Variants in NAPB observed in about 807,000 individuals in gnomAD.
NAPB encodes beta-soluble NSF attachment protein.
In NAPB, 26 loss-of-function variants were observed where a neutral mutation model predicts 44.7. The ratio of observed to expected loss-of-function variants is 0.58; its 90% CI spans 0.43 to 0.81. The LOEUF (loss-of-function observed/expected upper bound fraction) is 0.81. Ranked by LOEUF, NAPB falls within the 30% of genes least tolerant of loss-of-function variation. The pLI is 0.00. For missense variants in NAPB, 315 were observed against 356.4 expected (o/e 0.88, Z 0.94); for synonymous variants, 120 against 116.8 (o/e 1.03, Z -0.18).
rs781690727 is a variant in NAPB at position 23,377,507 on chromosome 20, C to T, written c.787-21G>A. The T allele has an allele frequency of 1.3e-5, 20 of 1,516,592 alleles. No individual in the cohort carries two copies. The Admixed American group carries it at 2.4e-4, about 18-fold the overall frequency. The allele number at this position is 1,516,592 out of a possible 1,614,324, so 93.9% of individuals were successfully genotyped here. A position where few individuals can be genotyped will look rare whatever the true frequency, so the allele number is the denominator to read the frequency against. ...TTCACCTAGTATAAGGAAAGAGGAA[C>T]AGGAATTACCCCATGTAAATACATT... On this transcript the variant is annotated intron_variant, in intron 10 of 10. Coordinates refer to ENST00000377026, the MANE Select transcript of NAPB (RefSeq NM_022080.3).
intron 3 of NAPB, 187 bp downstream of exon 3, chr20:23,396,885 A>G: frequency 2.4e-6 from 1 of 420,642 alleles, no homozygotes; most frequent in Non-Finnish European, 4.0e-6. Context: ...ATTTCTCCTC[A>G]TAAAAGCCCC....
chr20:23,401,058 T>A (rs553892288), intron 2 of NAPB, among the ~76,000 whole-genome samples: 5 of 150,934 alleles, frequency 3.3e-5, no homozygotes, highest in Non-Finnish European at 7.4e-5. Flanking sequence ...ACCTCACCAA[T>A]AAGTTGACAT....
At chr20:23,417,676 A>G (rs1986101902) in intron 1 of NAPB, among the ~76,000 whole-genome samples, 2 of 152,190 alleles carry the variant, frequency 1.3e-5, no homozygotes, top group Admixed American at 1.3e-4. Flanking sequence ...CAAACTTGAG[A>G]AAAAGTTTTA....
At position 23,394,836 on chromosome 20, in the gene NAPB, G is replaced by A. The variant is rs973243070; in HGVS notation, c.420+86C>T. ...CCATCTATGACCACTCTACACCTAC[G>A]ATCACTCTCAGACTGAGGAGAGGAG... On this transcript the variant is annotated intron_variant, in intron 5 of 10. Transcript: ENST00000377026. 2.1e-5 allele frequency: 29 copies of A among 1,355,946 alleles called. No homozygotes were observed. In the Middle Eastern group the frequency reaches 7.2e-4, roughly 34 times the overall value. The allele number at this position is 1,355,946 out of a possible 1,614,324, so 84.0% of individuals were successfully genotyped here. A position where few individuals can be genotyped will look rare whatever the true frequency, so the allele number is the denominator to read the frequency against.
At position 23,403,018 on chromosome 20, in the gene NAPB, C is replaced by T. The variant is rs563677260; in HGVS notation, c.153G>A (p.Met51Ile). ...CACTCCAATTTTTAGCCATCTTGAACATATTTGCAGCTCTGGTATACATTT... is the reference window on the plus strand; with the variant it reads ...CACTCCAATTTTTAGCCATCTTGAATATATTTGCAGCTCTGGTATACATTT... ...ACEMYTRAAN[M>I]FKMAKNWSAA... The change falls in exon 2 of 11, where the codon ATG becomes ATA. Residue 51 changes from methionine to isoleucine, a missense_variant. Met to Ile is a conservative substitution (Grantham distance 10, BLOSUM62 1). Around this residue, in one of 3 missense-constraint regions of NAPB, gnomAD observed 179 missense variants for 182.5 expected, o/e 0.98. Coordinates refer to ENST00000377026, the MANE Select transcript of NAPB (RefSeq NM_022080.3). 1.4e-4 allele frequency: 230 copies of T among 1,613,822 alleles called. 3 individuals carry two copies. In the South Asian group the frequency reaches 2.0e-3, roughly 14 times the overall value.
At chr20:23,405,267 C>A (rs538612088) in intron 1 of NAPB, among the ~76,000 whole-genome samples, 1 of 141,308 alleles carries the variant, frequency 7.1e-6, no homozygotes, top group South Asian at 2.3e-4. Flanking sequence ...GGTGACAGAG[C>A]GAGACTTTGT....
chr20:23,416,971 T>C (rs949393707), intron 1 of NAPB, among the ~76,000 whole-genome samples: 2 of 152,242 alleles, frequency 1.3e-5, no homozygotes, highest in African/African-American at 2.4e-5. Context: ...GGGCCTTTCA[T>C]TAAATTTACA....
intron 1 of NAPB, 142 bp from the exon 2 acceptor site, chr20:23,403,214 T>C: frequency 1.5e-6 from 1 of 653,086 alleles, no homozygotes; most frequent in Non-Finnish European, 2.6e-6. Context: ...AAGGAGATAC[T>C]CTTACTATAC....
intron 1 of NAPB, among the ~76,000 whole-genome samples, chr20:23,419,247 G>GT (rs1267470804): frequency 3.9e-5 from 6 of 152,182 alleles, no homozygotes; most frequent in Non-Finnish European, 8.8e-5. Flanking sequence ...AAACCAACCT[G>GT]TTGTACCCAG....
At chr20:23,412,236 T>C (rs1465246353) in intron 1 of NAPB, among the ~76,000 whole-genome samples, 1 of 152,194 alleles carries the variant, frequency 6.6e-6, no homozygotes, top group Admixed American at 6.5e-5. Flanking sequence ...GTAAAAGCCA[T>C]GGCAGAAGTG....
At chr20:23,395,343 A>G (rs1266852434) in intron 3 of NAPB, among the ~76,000 whole-genome samples, 158 bp from the exon 4 acceptor site, 2 of 152,200 alleles carry the variant, frequency 1.3e-5, no homozygotes, top group Non-Finnish European at 2.9e-5. Flanking sequence ...AATCATGCAC[A>G]AGTCCAGATT....
Position 23,421,309 on chromosome 20 carries a change from A to G in NAPB, c.94T>C (p.Phe32Leu). The change falls in exon 1 of 11, where the codon TTT becomes CTT. Residue 32 changes from phenylalanine (F) to leucine (L), a missense_variant. Phe to Leu is a conservative substitution (Grantham distance 22). This residue lies in a region of NAPB where 179 missense variants were observed against 182.5 expected (regional missense o/e 0.98). Transcript: ENST00000377026. ...CACGCACGGTCTGGCGCTCACCCAA[A>G]CAGCCCTCGGAGGAAGGAGTGGGAG... ...KASHSFLRGL[F>L]GGNTRIEEAC... is the part of the protein sequence containing the mutation. 6.4e-7 allele frequency: 1 copy of G among 1,558,426 alleles called. No homozygotes were observed. Among genetic ancestry groups the G allele is most frequent in the Non-Finnish European group, 8.7e-7 (1 of 1,151,018 alleles).
intron 1 of NAPB, among the ~76,000 whole-genome samples, chr20:23,408,937 C>T (rs953545785): frequency 6.6e-6 from 1 of 152,192 alleles, no homozygotes; most frequent in African/African-American, 2.4e-5. Context: ...GAGGGAGATA[C>T]TCTCCAGAAT....
At position 23,377,295 on chromosome 20, in the gene NAPB, A is replaced by G. The variant is rs942791630; in HGVS notation, c.*81T>C. 4.7e-5 allele frequency: 39 copies of G among 832,406 alleles called. No homozygotes were observed. The African/African-American group carries it at 6.1e-4, about 13-fold the overall frequency. 51.6% of individuals were successfully genotyped at this position (832,406 alleles called of 1,614,324 possible). On this transcript the variant is annotated 3_prime_UTR_variant, in exon 11 of 11. Coordinates refer to ENST00000377026, the MANE Select transcript of NAPB (RefSeq NM_022080.3). ...CATATGCAACAAAATTAAGCCATTA[A>G]ATAGGCATCCCATAAAGATCACTTG...
intron 1 of NAPB, among the ~76,000 whole-genome samples, chr20:23,419,766 C>A (rs115382817): frequency 6.6e-6 from 1 of 152,312 alleles, no homozygotes; most frequent in African/African-American, 2.4e-5. Flanking sequence ...AATTTAGAAA[C>A]CAGCTGTGAT....
In NAPB at chr20:23,403,027, A is replaced by C. The variant is rs754699161; in HGVS notation, c.144T>G (p.Ala48=). Residue 48 remains alanine (A), a synonymous_variant, in exon 2 of 11, where the codon GCT becomes GCG. Coordinates refer to ENST00000377026, the MANE Select transcript of NAPB (RefSeq NM_022080.3). ...TTTTAGCCATCTTGAACATATTTGC[A>C]GCTCTGGTATACATTTCACAAGCCT... ...IEEACEMYTR[A]ANMFKMAKNW... The C allele has an allele frequency of 1.9e-6, 3 of 1,613,818 alleles. No homozygotes were observed. The South Asian group carries it at 3.3e-5, about 18-fold the overall frequency.
At chr20:23,394,723 A>G (rs934564172) in intron 5 of NAPB, among the ~76,000 whole-genome samples, 199 bp downstream of exon 5, 2 of 152,182 alleles carry the variant, frequency 1.3e-5, no homozygotes, top group African/African-American at 4.8e-5. Flanking sequence ...AATCTTAATC[A>G]GCTCTCATGT....
At chr20:23,405,055 C>G (rs1908506649) in intron 1 of NAPB, among the ~76,000 whole-genome samples, 1 of 152,150 alleles carries the variant, frequency 6.6e-6, no homozygotes, top group Non-Finnish European at 1.5e-5. Flanking sequence ...GTAATCCCAG[C>G]ACTTTGGGAG....
At chr20:23,417,229 G>T (rs540440638) in intron 1 of NAPB, among the ~76,000 whole-genome samples, 1 of 151,996 alleles carries the variant, frequency 6.6e-6, no homozygotes, top group Admixed American at 6.6e-5. Context: ...TATTACAGGC[G>T]CCCGCCACCA....
Sources: allele counts gnomAD v4.1 joint callset (sites outside exome capture counted in the v4.1 genomes callset), GRCh38; gene constraint gnomAD v4.1.1; regional missense constraint gnomAD v4.1.1; transcripts MANE v1.5; gene names NCBI Gene and HGNC (gene_info 2026-07-23, HGNC 2026-07-21).